LCTL: variants seen among roughly 807,000 people sequenced by gnomAD.
LCTL encodes lactase-like protein.
A neutral mutation model predicts 75.8 loss-of-function variants in LCTL; 76 were observed. The ratio of observed to expected loss-of-function variants is 1.00; its 90% CI spans 0.83 to 1.21. LCTL has a LOEUF of 1.21. LCTL is among the 50% of genes most tolerant of loss of function. The pLI is 0.00. For missense variants in LCTL, 670 were observed against 712.4 expected, an observed-to-expected ratio of 0.94 and a Z score of 0.68; for synonymous variants, 271 against 268.8, an observed-to-expected ratio of 1.01 and a Z score of -0.08.
intron 8 of LCTL, among the ~76,000 whole-genome samples, chr15:66,553,955 C>T (rs920678809): frequency 2.7e-5 from 4 of 150,230 alleles, no homozygotes; most frequent in Admixed American, 6.6e-5. Context: ...CAGGAGTTCG[C>T]GACCAGCCTG....
At chr15:66,565,444 T>C in exon 1 of LCTL, 4 of 918,566 alleles carry the variant, frequency 4.4e-6, no homozygotes, top group Non-Finnish European at 6.7e-6. Context: ...GGCCAGGTCT[T>C]GGCTTAGGGC....
At chr15:66,550,777 C>T (rs1895570387) in intron 11 of LCTL, among the ~76,000 whole-genome samples, 1 of 152,066 alleles carries the variant, frequency 6.6e-6, no homozygotes, top group Non-Finnish European at 1.5e-5. Flanking sequence ...CCGTACCTGG[C>T]CAAGACACTC....
exon 13 of LCTL, chr15:66,548,456 TCTCTTATGAAG>T (rs1567056395): frequency 8.4e-7 from 1 of 1,183,752 alleles, no homozygotes; most frequent in Non-Finnish European, 1.2e-6. Context: ...TCCTGAAGAT[TCTCTTATGAAG>T]CTCCAAAATT....
chr15:66,564,844 A>AG lies in LCTL; in HGVS notation c.119-6dup. On this transcript the variant is annotated splice_region_variant and splice_polypyrimidine_tract_variant and intron_variant, in intron 1 of 12. Coordinates refer to ENST00000341509, the Ensembl canonical transcript of LCTL. The stretch of plus-strand genomic sequence containing the variant: ...TGCCCACGCCCCAGGAGAAGCCTGC[A>AG]GGGGGAGACCCGTGCTGGGTCCCAG... 5 of 1,609,700 alleles carry AG rather than the reference A, an allele frequency of 3.1e-6. No individual in the cohort carries two copies. The highest frequency in any genetic ancestry group is 4.2e-6 in the Non-Finnish European group (5 of 1,179,538).
chr15:66,548,469 T>A, exon 13 of LCTL: 1 of 1,369,020 alleles, frequency 7.3e-7, no homozygotes, highest in Non-Finnish European at 1.0e-6. Flanking sequence ...CTTATGAAGC[T>A]CCAAAATTGA....
intron 8 of LCTL, among the ~76,000 whole-genome samples, chr15:66,554,886 G>A (rs1895704319): frequency 6.6e-6 from 1 of 152,136 alleles, no homozygotes; most frequent in Non-Finnish European, 1.5e-5. Flanking sequence ...TCCATCTCTG[G>A]AAGTATACTT....
At chr15:66,561,311 A>G in exon 5 of LCTL, 1 of 1,614,230 alleles carries the variant, frequency 6.2e-7, no homozygotes. Context: ...TTTGACCTGG[A>G]GCAGCTGTGA....
At chr15:66,564,234 G>T in intron 2 of LCTL, 2 of 564,842 alleles carry the variant, frequency 3.5e-6, no homozygotes, top group South Asian at 2.2e-5. Context: ...CCATCAGGGT[G>T]CCCCTAGTAA....
intron 6 of LCTL, among the ~76,000 whole-genome samples, chr15:66,558,420 C>T (rs1895793632): frequency 6.6e-6 from 1 of 152,194 alleles, no homozygotes; most frequent in South Asian, 2.1e-4. Flanking sequence ...AACACGCCAA[C>T]CTGCCTTCTC....
At chr15:66,562,128 C>A (rs114683231) in intron 4 of LCTL, among the ~76,000 whole-genome samples, 2,425 of 152,244 alleles carry the variant, frequency 0.016, 60 homozygotes, top group African/African-American at 0.056. Flanking sequence ...TGAGGCCAGG[C>A]GCAGTGGCTC....
intron 8 of LCTL, among the ~76,000 whole-genome samples, chr15:66,554,240 G>A (rs1895689083): frequency 1.4e-5 from 2 of 144,724 alleles, no homozygotes; most frequent in Non-Finnish European, 3.0e-5. Context: ...GCAGTGAGCC[G>A]AGATCACGCC....
chr15:66,561,401 A>T, intron 4 of LCTL, 86 bp from the exon 6 acceptor site: 1 of 1,488,986 alleles, frequency 6.7e-7, no homozygotes, highest in African/African-American at 1.4e-5. Context: ...GTCCTCAGAC[A>T]AACAGGAGGG....
chr15:66,560,019 G>A (rs139406312), intron 6 of LCTL, among the ~76,000 whole-genome samples: 129 of 150,210 alleles, frequency 8.6e-4, no homozygotes, highest in African/African-American at 3.0e-3. Context: ...CCCGGGAGGC[G>A]GAGGTTGCAG....
chr15:66,560,807 G>T (rs1039061560), intron 6 of LCTL, among the ~76,000 whole-genome samples, 199 bp downstream of exon 7: 1 of 152,120 alleles, frequency 6.6e-6, no homozygotes, highest in Non-Finnish European at 1.5e-5. Flanking sequence ...CTTGGGAGTC[G>T]CTATAACAGC....
chr15:66,564,089 G>T, intron 2 of LCTL, 91 bp from the exon 4 acceptor site: 1 of 820,822 alleles, frequency 1.2e-6, no homozygotes, highest in Non-Finnish European at 2.1e-6. Flanking sequence ...GCTCACTCTT[G>T]TCTGTAGCTG....
chr15:66,551,880 C>A lies in LCTL; in HGVS notation c.1325-19G>T. ...TTTATAGCTGCAAAGACATTTTATT[C>A]CATTTTAAATATATTTCATTTACTT... On this transcript the variant is annotated intron_variant, in intron 10 of 12. Coordinates refer to ENST00000341509, the Ensembl canonical transcript of LCTL. 1.3e-6 allele frequency: 2 copies of A among 1,577,662 alleles called. No individual in the cohort carries two copies. The highest frequency in any genetic ancestry group is 1.7e-6 in the Non-Finnish European group (2 of 1,155,808).
intron 8 of LCTL, among the ~76,000 whole-genome samples, chr15:66,553,642 C>T (rs1374896850): frequency 6.6e-6 from 1 of 151,402 alleles, no homozygotes; most frequent in Non-Finnish European, 1.5e-5. Context: ...GTAGTCCCAG[C>T]TACTTGGGAG....
chr15:66,555,217 C>A (rs372989785), intron 8 of LCTL, among the ~76,000 whole-genome samples: 4 of 152,120 alleles, frequency 2.6e-5, no homozygotes, highest in African/African-American at 9.7e-5. Context: ...CGTCATTGTC[C>A]TTGCACTGAT....
In LCTL at chr15:66,555,632, A is replaced by C. The variant is rs963775616; in HGVS notation, c.922+2090T>G. On this transcript the variant is annotated intron_variant, in intron 8 of 12. Coordinates refer to ENST00000341509, the Ensembl canonical transcript of LCTL. Reference sequence around the variant, plus strand: ...GCAGTTATATCTTGACTCTGACGCCAAAATCACAGGCAACAAAAATAGGCA... The same window carrying C: ...GCAGTTATATCTTGACTCTGACGCCCAAATCACAGGCAACAAAAATAGGCA... Among the ~76,000 whole-genome samples, 14 of 152,240 alleles carry C rather than the reference A, an allele frequency of 9.2e-5. 1 individual carries two copies. Among genetic ancestry groups the C allele is most frequent in the African/African-American group, 3.4e-4 (14 of 41,460 alleles).
Sources: gnomAD v4.1 joint callset for allele counts (sites outside exome capture counted in the v4.1 genomes callset) on GRCh38, gnomAD v4.1.1 for gene constraint, MANE v1.5 for transcripts, NCBI Gene and HGNC (gene_info 2026-07-23, HGNC 2026-07-21) for gene names.